Variants in POLR3E observed in about 807,000 individuals in gnomAD.
POLR3E encodes the protein DNA-directed RNA polymerase III subunit RPC5.
POLR3E carries 41 observed loss-of-function variants against 96.6 expected under a neutral mutation model. The observed-to-expected ratio is 0.42, with a 90% CI of 0.33 to 0.55. The LOEUF is 0.55. Ranked by LOEUF, POLR3E falls within the 20% of genes least tolerant of loss-of-function variation. The pLI is 0.06. For synonymous variants in POLR3E, 396 were observed against 383.6 expected (o/e 1.03, Z -0.38); for missense variants, 849 against 952.1 (o/e 0.89, Z 1.43).
intron 6 of POLR3E, among the ~76,000 whole-genome samples, chr16:22,311,692 T>TG (rs1259267371): frequency 2.0e-5 from 3 of 151,932 alleles, no homozygotes; most frequent in African/African-American, 7.3e-5. Context: ...GGTGGGGTCT[T>TG]GCTATGTTGC....
rs888623969 is a variant in POLR3E, at chr16:22,334,305, C to T, written c.*605C>T. On this transcript the variant is annotated 3_prime_UTR_variant, in exon 21 of 21. Coordinates refer to ENST00000299853, the MANE Select transcript of POLR3E (RefSeq NM_018119.4). ...CATAGCAAAAAAATCAGAATCAAAT[C>T]CATCTCCTTTTAATGTTTGCAGAAA... 6.6e-6 allele frequency: 1 copy of T among 152,206 alleles called. No individual in the cohort carries two copies. The highest frequency in any genetic ancestry group is 1.5e-5 in the Non-Finnish European group (1 of 68,048). 9.4% of individuals were successfully genotyped at this position (152,206 alleles called of 1,614,324 possible). A position where few individuals can be genotyped will look rare whatever the true frequency, so the allele number is the denominator to read the frequency against.
chr16:22,312,981 A>C lies in POLR3E; in HGVS notation c.365-639A>C, dbSNP rs533680436. On this transcript the variant is annotated intron_variant, in intron 6 of 20. Transcript: ENST00000299853. ...TAGGAAACAAAATGGGATAGGATCA[A>C]AAGTAGTGTCATATAACTCGCGCGT... is the stretch of plus-strand genomic sequence containing the variant. 1.7e-4 allele frequency among the ~76,000 whole-genome samples: 26 copies of C among 152,272 alleles called. 1 individual carries two copies. Among genetic ancestry groups the C allele is most frequent in the Non-Finnish European group, 3.1e-4 (21 of 68,024 alleles).
chr16:22,305,940 A>G (rs1472695272), intron 3 of POLR3E, among the ~76,000 whole-genome samples: 1 of 152,122 alleles, frequency 6.6e-6, no homozygotes, highest in Admixed American at 6.5e-5. Flanking sequence ...TCCCCATTTC[A>G]GTGTGTAATG....
intron 2 of POLR3E, among the ~76,000 whole-genome samples, chr16:22,303,748 C>A (rs1306266125): frequency 1.3e-5 from 2 of 148,260 alleles, no homozygotes; most frequent in Non-Finnish European, 3.0e-5. Flanking sequence ...TCAAGCGATT[C>A]TCCTGCCTCA....
rs1440868157 is a variant in POLR3E at position 22,332,258 on chromosome 16, T to C, written c.2070+73T>C. 11 of 1,401,022 alleles carry C rather than the reference T, an allele frequency of 7.9e-6. No individual in the cohort carries two copies. The Admixed American group carries it at 1.4e-4, about 18-fold the overall frequency. 86.8% of individuals were successfully genotyped at this position (1,401,022 alleles called of 1,614,324 possible). ...GGCTGACAGTGTGTAGAAGGGACTC[T>C]AGTGTCTTTGTGTATATGAAATCAG... is the stretch of plus-strand genomic sequence containing the variant. On this transcript the variant is annotated intron_variant, in intron 20 of 20. Transcript: ENST00000299853.
At chr16:22,309,205 T>A (rs2048194113) in intron 5 of POLR3E, 165 bp downstream of exon 5, 3 of 654,114 alleles carry the variant, frequency 4.6e-6, no homozygotes, top group African/African-American at 1.8e-5. Context: ...CTGAACTAGC[T>A]GGTCCCAGAG....
intron 13 of POLR3E, among the ~76,000 whole-genome samples, chr16:22,321,300 T>G (rs1010993056): frequency 1.3e-5 from 2 of 152,224 alleles, no homozygotes; most frequent in African/African-American, 4.8e-5. Context: ...AGTAATGTAG[T>G]TTAAGGTGAG....
At position 22,318,829 on chromosome 16, in the gene POLR3E, A is replaced by G. The variant is rs1306098947; in HGVS notation, c.869A>G (p.Lys290Arg). ...DQIKILMKNV[K>R]VMPFANLMSL... ...ATGTCTCCTGCGTCCTCCTCAGTGA[A>G]GGTCATGCCTTTTGCCAACTTGATG... Residue 290 changes from lysine (K) to arginine (R), a missense_variant, in exon 13 of 21, where the codon AAG becomes AGG. Coordinates refer to ENST00000299853, the MANE Select transcript of POLR3E (RefSeq NM_018119.4). This position sits in a 1 kb window ranked among gnomAD's most constrained non-coding sequence, Gnocchi z 5.0. 7 of 1,612,820 alleles carry G rather than the reference A, an allele frequency of 4.3e-6. No individual in the cohort carries two copies. In the South Asian group the frequency reaches 6.6e-5, roughly 15 times the overall value.
intron 6 of POLR3E, among the ~76,000 whole-genome samples, chr16:22,312,217 G>A (rs565731134): frequency 1.5e-4 from 23 of 152,252 alleles, no homozygotes; most frequent in African/African-American, 4.8e-4. Context: ...AATTATGGCC[G>A]GGAGTGGTGG....
At chr16:22,300,695 G>A (rs1418924671) in intron 1 of POLR3E, among the ~76,000 whole-genome samples, 1 of 152,202 alleles carries the variant, frequency 6.6e-6, no homozygotes, top group African/African-American at 2.4e-5. Flanking sequence ...AAACTGTCCA[G>A]ATGCGACTCC....
Position 22,308,950 on chromosome 16 carries a change from C to A in POLR3E, c.191C>A (p.Thr64Asn). Residue 64 changes from threonine (T) to asparagine (N), a missense_variant, in exon 5 of 21, where the codon ACC (threonine) becomes AAC (asparagine). By Grantham distance (65) the Thr-to-Asn change is moderately conservative (BLOSUM62 0). Coordinates refer to ENST00000299853, the MANE Select transcript of POLR3E (RefSeq NM_018119.4). ...GTAGAGCTTGAGATGGCCATCGACA[C>A]CCTGAACCCCAACTATTGCCGCAGC... ...QKVELEMAID[T>N]LNPNYCRSKG... 2 of 1,613,904 alleles carry A rather than the reference C, an allele frequency of 1.2e-6. No homozygotes were observed. Among genetic ancestry groups the A allele is most frequent in the Non-Finnish European group, 8.5e-7 (1 of 1,179,850 alleles).
chr16:22,333,877 C>G lies in POLR3E; in HGVS notation c.*177C>G. ...GATTATCCTCAGCCAGTCGCAGGGTCAGCTTAAGTTAGTTAGATCACTCCC... is the reference window on the plus strand; with the variant it reads ...GATTATCCTCAGCCAGTCGCAGGGTGAGCTTAAGTTAGTTAGATCACTCCC... On this transcript the variant is annotated 3_prime_UTR_variant, in exon 21 of 21. Coordinates refer to ENST00000299853, the MANE Select transcript of POLR3E (RefSeq NM_018119.4). 1.8e-6 allele frequency: 1 copy of G among 554,550 alleles called. No homozygotes were observed. The allele number at this position is 554,550 out of a possible 1,614,324, so 34.4% of individuals were successfully genotyped here. A position where few individuals can be genotyped will look rare whatever the true frequency, so the allele number is the denominator to read the frequency against.
At chr16:22,326,614 C>A in intron 18 of POLR3E, 3 of 429,350 alleles carry the variant, frequency 7.0e-6, no homozygotes, top group Non-Finnish European at 1.3e-5. Flanking sequence ...ACTAGCTTTG[C>A]CATTGTTTGG....
At chr16:22,298,132 C>T (rs1468573066) in intron 1 of POLR3E, among the ~76,000 whole-genome samples, 1 of 152,244 alleles carries the variant, frequency 6.6e-6, no homozygotes. Context: ...CCTGACCATT[C>T]GGTCCGAGGA....
chr16:22,309,372 C>A, intron 5 of POLR3E, 56 bp from the exon 6 acceptor site: 1 of 1,322,344 alleles, frequency 7.6e-7, no homozygotes, highest in Non-Finnish European at 1.1e-6. Context: ...GCTGTGGCCA[C>A]AGGCCCTGGC....
intron 3 of POLR3E, 177 bp downstream of exon 3, chr16:22,305,383 GA>G: frequency 2.8e-6 from 2 of 704,780 alleles, no homozygotes; most frequent in East Asian, 5.3e-5. Context: ...TCAAAGATGG[GA>G]AAACTGAAGG....
chr16:22,320,095 T>G (rs2048438751), intron 13 of POLR3E, among the ~76,000 whole-genome samples: 1 of 152,218 alleles, frequency 6.6e-6, no homozygotes, highest in Admixed American at 6.5e-5. Flanking sequence ...ATTGCTGCTT[T>G]TTACCCCATT....
intron 6 of POLR3E, among the ~76,000 whole-genome samples, chr16:22,311,337 G>C (rs1007052102): frequency 7.0e-6 from 1 of 143,530 alleles, no homozygotes; most frequent in Non-Finnish European, 1.5e-5. Context: ...GAAGTCTACA[G>C]TAGCGTGTAG....
Position 22,322,163 on chromosome 16 carries a change from C to T in POLR3E, c.987-687C>T, listed in dbSNP as rs570335237. On this transcript the variant is annotated intron_variant, in intron 13 of 20. Coordinates refer to ENST00000299853, the MANE Select transcript of POLR3E (RefSeq NM_018119.4). The surrounding 1 kb of genome is among the most constrained non-coding windows in gnomAD (Gnocchi z 5.2). ...TTGCAGGATGAGTGACAGTTGGTTG[C>T]CAGGTGGACCTGAGCAGGGGGAGGA... Among the ~76,000 whole-genome samples the T allele has an allele frequency of 6.6e-6, 1 of 152,268 alleles. No homozygotes were observed. Among genetic ancestry groups the T allele is most frequent in the African/African-American group, 2.4e-5 (1 of 41,546 alleles).
Sources: gnomAD v4.1 joint callset for allele counts (sites outside exome capture counted in the v4.1 genomes callset) on GRCh38, gnomAD v4.1.1 for gene constraint, Gnocchi (gnomAD v3.1) non-coding constraint, MANE v1.5 for transcripts, NCBI Gene and HGNC (gene_info 2026-07-23, HGNC 2026-07-21) for gene names.